Variants in WDR70 observed in about 807,000 individuals in gnomAD.
WDR70 encodes the protein WD repeat-containing protein 70.
A neutral mutation model predicts 88.6 loss-of-function variants in WDR70; 53 were observed. The ratio of observed to expected loss-of-function variants is 0.60; its 90% confidence interval spans 0.48 to 0.75. The LOEUF (loss-of-function observed/expected upper bound fraction) is 0.75, where lower values mean the gene tolerates loss of function less well. WDR70 is among the 30% of genes least tolerant of loss of function. The pLI, the probability that WDR70 is intolerant of heterozygous loss-of-function variation, is 0.00. For missense variants in WDR70, 610 were observed against 823.2 expected, an observed-to-expected ratio of 0.74 and a Z score of 3.17; for synonymous variants, 280 against 270.0, an observed-to-expected ratio of 1.04 and a Z score of -0.36.
chr5:37,412,229 A>C (rs1016527629), intron 5 of WDR70, among the ~76,000 whole-genome samples: 2 of 152,100 alleles, frequency 1.3e-5, no homozygotes, highest in African/African-American at 2.4e-5. Flanking sequence ...TCTACTAAAA[A>C]TACAAAAATT....
At chr5:37,723,190 A>T in intron 15 of WDR70, 2 of 465,210 alleles carry the variant, frequency 4.3e-6, no homozygotes, top group Admixed American at 7.1e-5. Context: ...ACATTACTTT[A>T]TAGCAGTTTT....
At chr5:37,506,959 G>A in intron 8 of WDR70, 1 of 695,238 alleles carries the variant, frequency 1.4e-6, no homozygotes. Flanking sequence ...CACCCACTTG[G>A]ATTCACCTCC....
intron 10 of WDR70, among the ~76,000 whole-genome samples, chr5:37,644,837 A>G (rs1278030081): frequency 6.6e-6 from 1 of 151,550 alleles, no homozygotes; most frequent in Admixed American, 6.6e-5. Flanking sequence ...TTTATTTCTA[A>G]TTTTATTAAT....
intron 11 of WDR70, chr5:37,700,252 TA>T (rs1747116202): frequency 6.6e-6 from 1 of 152,180 alleles, no homozygotes. Flanking sequence ...AAACATTATG[TA>T]TATAAGTTTG....
At chr5:37,721,427 A>G in intron 14 of WDR70, 1 of 572,740 alleles carries the variant, frequency 1.7e-6, no homozygotes, top group Non-Finnish European at 3.1e-6. Context: ...TCAAAGCGAA[A>G]GTTTCCTGGG....
At chr5:37,591,960 G>GA (rs1743542756) in intron 9 of WDR70, among the ~76,000 whole-genome samples, 1 of 152,162 alleles carries the variant, frequency 6.6e-6, no homozygotes, top group Non-Finnish European at 1.5e-5. Flanking sequence ...ATAAGCATTT[G>GA]AAAAAATCCA....
chr5:37,615,951 G>A (rs756638831), intron 10 of WDR70, among the ~76,000 whole-genome samples: 11 of 151,986 alleles, frequency 7.2e-5, no homozygotes, highest in Non-Finnish European at 1.3e-4. Flanking sequence ...TTCTCTCTCC[G>A]TGTTCTGATA....
intron 10 of WDR70, among the ~76,000 whole-genome samples, chr5:37,694,845 T>TAATAAG (rs1746935247): frequency 6.6e-6 from 1 of 151,182 alleles, no homozygotes; most frequent in African/African-American, 2.4e-5. Context: ...TAAAGTATAA[T>TAATAAG]AATAATAATA....
chr5:37,422,438 T>C (rs1749973740), intron 5 of WDR70, among the ~76,000 whole-genome samples: 1 of 151,764 alleles, frequency 6.6e-6, no homozygotes, highest in African/African-American at 2.4e-5. Context: ...ACTATAGGCA[T>C]GAACCTCTAT....
chr5:37,596,175 T>C (rs1367362256), intron 9 of WDR70, among the ~76,000 whole-genome samples: 2 of 152,154 alleles, frequency 1.3e-5, no homozygotes, highest in Non-Finnish European at 2.9e-5. Context: ...TACAAGCTAG[T>C]AACTACCAAA....
chr5:37,509,766 T>C (rs2112239778), intron 8 of WDR70, among the ~76,000 whole-genome samples: 1 of 151,846 alleles, frequency 6.6e-6, no homozygotes, highest in African/African-American at 2.4e-5. Flanking sequence ...CAGGCTTTTC[T>C]TCACTGAGCA....
intron 10 of WDR70, among the ~76,000 whole-genome samples, chr5:37,641,401 T>G (rs1745099790): frequency 7.1e-6 from 1 of 140,676 alleles, no homozygotes; most frequent in Admixed American, 7.3e-5. Context: ...CCACCACACC[T>G]GTCCACATCC....
intron 10 of WDR70, among the ~76,000 whole-genome samples, chr5:37,627,314 G>A (rs71619874): frequency 8.9e-4 from 136 of 152,130 alleles, no homozygotes; most frequent in Non-Finnish European, 1.5e-3. Flanking sequence ...ACTTGAGAAC[G>A]TTTCCATAGT....
intron 7 of WDR70, among the ~76,000 whole-genome samples, chr5:37,478,889 A>G (rs1581319150): frequency 6.6e-6 from 1 of 152,340 alleles, no homozygotes; most frequent in Admixed American, 6.5e-5. Flanking sequence ...CACTGTATTC[A>G]CTACAGCCAC....
chr5:37,596,187 T>C (rs1743694858), intron 9 of WDR70, among the ~76,000 whole-genome samples: 1 of 152,124 alleles, frequency 6.6e-6, no homozygotes, highest in Non-Finnish European at 1.5e-5. Context: ...ACTACCAAAA[T>C]GTAGGCTCAA....
At position 37,381,585 on chromosome 5, in the gene WDR70, A is replaced by G. The variant is rs374349821; in HGVS notation, c.92-17A>G. ...TACTGCAAGACAATCACAGTCTCCC[A>G]TTTGTTCATGTTTTAGGTAAAAAAG... On this transcript the variant is annotated splice_polypyrimidine_tract_variant and intron_variant, in intron 2 of 17. Coordinates refer to ENST00000265107, the MANE Select transcript of WDR70 (RefSeq NM_018034.4). 2.5e-6 allele frequency: 4 copies of G among 1,606,086 alleles called. No individual in the cohort carries two copies. Among genetic ancestry groups the G allele is most frequent in the East Asian group, 2.2e-5 (1 of 44,506 alleles).
chr5:37,707,979 A>G (rs1747406482), intron 13 of WDR70, among the ~76,000 whole-genome samples: 1 of 108,612 alleles, frequency 9.2e-6, no homozygotes, highest in African/African-American at 3.2e-5. Flanking sequence ...ATATATATAT[A>G]TATATATATA....
intron 5 of WDR70, among the ~76,000 whole-genome samples, chr5:37,437,530 T>C (rs1252849345): frequency 6.6e-6 from 1 of 152,148 alleles, no homozygotes; most frequent in African/African-American, 2.4e-5. Context: ...ACCTTTTCGC[T>C]CCTCTTGATA....
chr5:37,620,025 C>G (rs1392627684), intron 10 of WDR70: 1 of 148,944 alleles, frequency 6.7e-6, no homozygotes, highest in East Asian at 2.0e-4. Flanking sequence ...GTCATTCTTG[C>G]ACAGGGGCCA....
Sources: gnomAD v4.1 joint callset for allele counts (sites outside exome capture counted in the v4.1 genomes callset) on GRCh38, gnomAD v4.1.1 for gene constraint, MANE v1.5 for transcripts, NCBI Gene and HGNC (gene_info 2026-07-23, HGNC 2026-07-21) for gene names.